The following NTSR1 variants were observed in gnomAD, a reference collection of about 807,000 sequenced individuals.
NTSR1 encodes the protein neurotensin receptor 1.
In NTSR1, 29 loss-of-function variants were observed where a neutral mutation model predicts 31.2. That is an observed-to-expected ratio of 0.93 (90% confidence interval 0.69 to 1.27). NTSR1 has a LOEUF of 1.27. Ranked by LOEUF, NTSR1 falls within the 50% of genes most tolerant of loss-of-function variation. NTSR1 has a pLI of 0.00. For missense variants in NTSR1, 697 were observed against 595.4 expected (o/e 1.17, Z -1.78); for synonymous variants, 282 against 269.9 (o/e 1.04, Z -0.44).
chr20:62,738,671 A>C (rs1452636189), intron 1 of NTSR1, among the ~76,000 whole-genome samples: 1 of 152,234 alleles, frequency 6.6e-6, no homozygotes, highest in African/African-American at 2.4e-5. Flanking sequence ...AGCCCTGTGC[A>C]CTGCCTCTCT....
intron 1 of NTSR1, 32 bp downstream of exon 1, chr20:62,709,953 C>T (rs1371658267): frequency 1.3e-6 from 2 of 1,495,888 alleles, no homozygotes; most frequent in African/African-American, 2.8e-5. Flanking sequence ...CGGGGCTCCC[C>T]TCTCCTTCAC....
intron 3 of NTSR1, among the ~76,000 whole-genome samples, chr20:62,759,789 A>C (rs1989581692): frequency 7.1e-6 from 1 of 141,516 alleles, no homozygotes; most frequent in African/African-American, 2.5e-5. Flanking sequence ...AAAAAAAAAA[A>C]GCAGCAGCAG....
chr20:62,709,166 C>T lies in NTSR1; in HGVS notation c.-42C>T, dbSNP rs1988536455. ...CGCCCACTCCTGCCCGGACTTCCAG[C>T]CCCGGAGGCGCCGGACAGAGCCGCG... is the stretch of plus-strand genomic sequence containing the variant. On this transcript the variant is annotated 5_prime_UTR_variant, in exon 1 of 4. Transcript: ENST00000370501. 3 of 1,361,936 alleles carry T rather than the reference C, an allele frequency of 2.2e-6. No individual in the cohort carries two copies. The highest frequency in any genetic ancestry group is 3.6e-5 in the Admixed American group (1 of 27,634). 84.4% of individuals were successfully genotyped at this position (1,361,936 alleles called of 1,614,324 possible).
At chr20:62,718,055 G>A (rs1988764090) in intron 1 of NTSR1, among the ~76,000 whole-genome samples, 1 of 152,204 alleles carries the variant, frequency 6.6e-6, no homozygotes. Context: ...CCCAGGGCAG[G>A]CACGTGCTGG....
chr20:62,761,365 T>G lies in NTSR1; in HGVS notation c.*1098T>G, dbSNP rs2147151941. 1 of 152,320 alleles carries G rather than the reference T, an allele frequency of 6.6e-6. No homozygotes were observed. The highest frequency in any genetic ancestry group is 1.5e-5 in the Non-Finnish European group (1 of 68,050). The allele number at this position is 152,320 out of a possible 1,614,324, so 9.4% of individuals were successfully genotyped here. A position where few individuals can be genotyped will look rare whatever the true frequency, so the allele number is the denominator to read the frequency against. ...GCACCGCTGGCCGGCAGCCCTGGGC[T>G]GAGGCACAGACTCATTTGTCACCTT... On this transcript the variant is annotated 3_prime_UTR_variant, in exon 4 of 4. Coordinates refer to ENST00000370501, the MANE Select transcript of NTSR1 (RefSeq NM_002531.3).
intron 3 of NTSR1, among the ~76,000 whole-genome samples, chr20:62,759,196 G>A (rs1026326383): frequency 6.6e-6 from 1 of 152,224 alleles, no homozygotes; most frequent in Non-Finnish European, 1.5e-5. Context: ...GAGAAGGCAC[G>A]GGGAACAGAG....
chr20:62,727,596 G>A (rs1012337026), intron 1 of NTSR1, among the ~76,000 whole-genome samples: 1 of 152,234 alleles, frequency 6.6e-6, no homozygotes, highest in African/African-American at 2.4e-5. Flanking sequence ...CCAGCATCGA[G>A]GTGACTGAGG....
In NTSR1 at chr20:62,716,236, C is replaced by T. The variant is rs961943047; in HGVS notation, c.714+6315C>T. Among the ~76,000 whole-genome samples, 7 of 152,268 alleles carry T rather than the reference C, an allele frequency of 4.6e-5. 1 individual carries two copies. Among genetic ancestry groups the T allele is most frequent in the Non-Finnish European group, 8.8e-5 (6 of 68,032 alleles). Reference sequence around the variant, plus strand: ...GTAACCTCTTTTCTGCTTTCTGGCTCGGTGAGGTGGATGACTCAGACTGGC... The same window carrying T: ...GTAACCTCTTTTCTGCTTTCTGGCTTGGTGAGGTGGATGACTCAGACTGGC... On this transcript the variant is annotated intron_variant, in intron 1 of 3. Coordinates refer to ENST00000370501, the MANE Select transcript of NTSR1 (RefSeq NM_002531.3).
intron 1 of NTSR1, among the ~76,000 whole-genome samples, chr20:62,748,504 GCATCACA>G (rs2147145543): frequency 6.6e-6 from 1 of 152,148 alleles, no homozygotes; most frequent in Non-Finnish European, 1.5e-5. Context: ...AAAACTGGAG[GCATCACA>G]CTTCCTAATT....
At chr20:62,753,033 G>C (rs1989420187) in intron 1 of NTSR1, among the ~76,000 whole-genome samples, 1 of 152,216 alleles carries the variant, frequency 6.6e-6, no homozygotes, top group South Asian at 2.1e-4. Context: ...TGGGCTGGCA[G>C]GTGCAGGATG....
rs546803693 is a variant in NTSR1 at position 62,743,163 on chromosome 20, T to C, written c.715-11522T>C. Among the ~76,000 whole-genome samples, 22 of 149,306 alleles carry C rather than the reference T, an allele frequency of 1.5e-4. 1 individual carries two copies. The highest frequency in any genetic ancestry group is 4.5e-4 in the African/African-American group (18 of 39,976). On this transcript the variant is annotated intron_variant, in intron 1 of 3. Coordinates refer to ENST00000370501, the MANE Select transcript of NTSR1 (RefSeq NM_002531.3). The surrounding 1 kb of genome is among the most constrained non-coding windows in gnomAD (Gnocchi z 7.5). ...ATCCCGGCCATCTCAGGCCCACCCATTGCCTCATTGCTCCCTGCCCCCGGT... is the reference window on the plus strand; with the variant it reads ...ATCCCGGCCATCTCAGGCCCACCCACTGCCTCATTGCTCCCTGCCCCCGGT...
At chr20:62,716,933 C>T (rs1253637685) in intron 1 of NTSR1, among the ~76,000 whole-genome samples, 1 of 152,236 alleles carries the variant, frequency 6.6e-6, no homozygotes, top group East Asian at 1.9e-4. Flanking sequence ...TGTTCCCCCG[C>T]CATGCCCTGG....
At chr20:62,729,823 A>G (rs2147138014) in intron 1 of NTSR1, among the ~76,000 whole-genome samples, 1 of 152,138 alleles carries the variant, frequency 6.6e-6, no homozygotes, top group Non-Finnish European at 1.5e-5. Context: ...GGGTTTCACC[A>G]TGTTGTCCAG....
At chr20:62,719,236 A>G (rs542609457) in intron 1 of NTSR1, among the ~76,000 whole-genome samples, 2 of 152,162 alleles carry the variant, frequency 1.3e-5, no homozygotes, top group East Asian at 3.9e-4. Flanking sequence ...TTCATCGTGA[A>G]TGAATGTTAA....
chr20:62,745,156 A>G lies in NTSR1; in HGVS notation c.715-9529A>G, dbSNP rs1372644762. Among the ~76,000 whole-genome samples, 2 of 152,178 alleles carry G rather than the reference A, an allele frequency of 1.3e-5. No homozygotes were observed. Among genetic ancestry groups the G allele is most frequent in the African/African-American group, 4.8e-5 (2 of 41,440 alleles). ...GAGGGTGGCCCAGCCAGTTCCTGCC[A>G]CCTGAGGATGTTGGTACACACACCA... On this transcript the variant is annotated intron_variant, in intron 1 of 3. Transcript: ENST00000370501. This position sits in a 1 kb window ranked among gnomAD's most constrained non-coding sequence, Gnocchi z 4.1.
Position 62,709,350 on chromosome 20 carries a change from C to A in NTSR1, c.143C>A (p.Ala48Glu), listed in dbSNP as rs758205167. The part of the protein sequence containing the change: ...ASGNASERVL[A>E]APSSELDVNT... ...GGCAACGCGTCGGAGCGCGTCCTGGCGGCACCCAGCAGCGAGCTGGACGTG... is the reference window on the plus strand; with the variant it reads ...GGCAACGCGTCGGAGCGCGTCCTGGAGGCACCCAGCAGCGAGCTGGACGTG... The change falls in exon 1 of 4, where the codon GCG becomes GAG. Residue 48 changes from alanine to glutamate, a missense_variant. Ala to Glu is a moderately radical substitution (Grantham distance 107). Coordinates refer to ENST00000370501, the MANE Select transcript of NTSR1 (RefSeq NM_002531.3). 3.0e-5 allele frequency: 48 copies of A among 1,609,680 alleles called. No homozygotes were observed. The highest frequency in any genetic ancestry group is 4.0e-5 in the African/African-American group (3 of 74,886).
At chr20:62,750,497 T>C (rs1989374553) in intron 1 of NTSR1, among the ~76,000 whole-genome samples, 1 of 152,176 alleles carries the variant, frequency 6.6e-6, no homozygotes, top group East Asian at 1.9e-4. Context: ...GAGACCATCC[T>C]GGCTAACATG....
At chr20:62,723,689 G>A (rs1481725674) in intron 1 of NTSR1, among the ~76,000 whole-genome samples, 1 of 152,146 alleles carries the variant, frequency 6.6e-6, no homozygotes, top group African/African-American at 2.4e-5. Flanking sequence ...GCTGCCAGTG[G>A]GGACAGAGGT....
intron 1 of NTSR1, among the ~76,000 whole-genome samples, chr20:62,753,110 T>C (rs1262593534): frequency 6.6e-6 from 1 of 152,144 alleles, no homozygotes. Context: ...AGAACTCTGC[T>C]CAAATGGAAT....
Sources: allele counts gnomAD v4.1 joint callset (sites outside exome capture counted in the v4.1 genomes callset), GRCh38; gene constraint gnomAD v4.1.1; non-coding constraint Gnocchi (gnomAD v3.1); transcripts MANE v1.5; gene names NCBI Gene and HGNC (gene_info 2026-07-23, HGNC 2026-07-21).